The following DHX40 variants were observed in gnomAD, a reference collection of about 807,000 sequenced individuals.
The protein encoded by DHX40 is DEAH-box helicase 40.
DHX40 carries 28 observed loss-of-function variants against 89.6 expected under a neutral mutation model. The ratio of observed to expected loss-of-function variants is 0.31; its 90% confidence interval spans 0.23 to 0.43. The LOEUF is 0.43. Among genes scored for constraint, DHX40 ranks in the 20% least tolerant of loss-of-function variants. The probability of loss-of-function intolerance (pLI) is 1.00; values close to 1 mark genes in which losing one functional copy is unlikely to be tolerated. For missense variants in DHX40, 457 were observed against 844.0 expected (o/e 0.54, Z 5.68); for synonymous variants, 226 against 283.6 (o/e 0.80, Z 2.04).
chr17:59,595,226 G>T (rs1418039911), intron 12 of DHX40, among the ~76,000 whole-genome samples: 1 of 151,582 alleles, frequency 6.6e-6, no homozygotes, highest in African/African-American at 2.4e-5. Context: ...TGAGATTACA[G>T]GCATGTGCCA....
intron 12 of DHX40, among the ~76,000 whole-genome samples, chr17:59,591,289 A>C (rs560794761): frequency 6.6e-6 from 1 of 150,976 alleles, no homozygotes; most frequent in African/African-American, 2.4e-5. Flanking sequence ...TGGGTGACAG[A>C]GTGAGACTCC....
At chr17:59,569,974 G>A (rs375049461) in intron 2 of DHX40, among the ~76,000 whole-genome samples, 2 of 142,964 alleles carry the variant, frequency 1.4e-5, no homozygotes, top group South Asian at 4.2e-4. Context: ...AACCTGGGAC[G>A]CAGAGGTTGC....
chr17:59,600,853 ATTT>A (rs59684239), intron 14 of DHX40, among the ~76,000 whole-genome samples: 1 of 130,830 alleles, frequency 7.6e-6, no homozygotes, highest in African/African-American at 2.9e-5. Context: ...TCTCAAAAAA[ATTT>A]TTTTTTTTTT....
At chr17:59,572,602 C>T (rs938284817) in intron 3 of DHX40, among the ~76,000 whole-genome samples, 26 of 152,090 alleles carry the variant, frequency 1.7e-4, no homozygotes, top group African/African-American at 6.3e-4. Flanking sequence ...TGGTCTCGAA[C>T]TCCTGGACTC....
chr17:59,596,409 A>G (rs1161241231), intron 12 of DHX40, among the ~76,000 whole-genome samples: 1 of 152,188 alleles, frequency 6.6e-6, no homozygotes, highest in African/African-American at 2.4e-5. Context: ...TCTACTAAAA[A>G]ATGTAAAAAT....
rs1191402794 is a variant in DHX40, at chr17:59,607,801, G to A, written c.*629G>A. 6.6e-6 allele frequency: 1 copy of A among 151,134 alleles called. No homozygotes were observed. The highest frequency in any genetic ancestry group is 1.5e-5 in the Non-Finnish European group (1 of 67,890). 9.4% of individuals were successfully genotyped at this position (151,134 alleles called of 1,614,324 possible). ...ATTAATCCTTAAATTGATTTTTCTG[G>A]GATTATACAAATTCCTTTTTATATA... On this transcript the variant is annotated 3_prime_UTR_variant, in exon 18 of 18. Coordinates refer to ENST00000251241, the MANE Select transcript of DHX40 (RefSeq NM_024612.5).
Position 59,573,839 on chromosome 17 carries a change from G to A in DHX40, c.646G>A (p.Ala216Thr). The change falls in exon 5 of 18, where the codon GCC becomes ACC. Residue 216 changes from alanine to threonine, a missense_variant. This residue lies in a region of DHX40 where 116 missense variants were observed against 188.9 expected (regional missense o/e 0.61). Coordinates refer to ENST00000251241, the MANE Select transcript of DHX40 (RefSeq NM_024612.5). ...VVVMSATMEL[A>T]KLSAFFGNCP... ...GGTAATGTCAGCAACTATGGAATTA[G>A]CCAAGCTCTCTGCATTCTTTGGAAA... 1.5e-5 allele frequency: 24 copies of A among 1,613,446 alleles called. No homozygotes were observed. Among genetic ancestry groups the A allele is most frequent in the Non-Finnish European group, 2.0e-5 (24 of 1,179,774 alleles).
At position 59,605,167 on chromosome 17, in the gene DHX40, A is replaced by G. The variant is rs148552104; in HGVS notation, c.1954A>G (p.Ile652Val). Reference protein sequence around the residue: ...TMDGRGSPVHIHPSSALHEQE... With the variant: ...TMDGRGSPVHVHPSSALHEQE... Reference sequence around the variant, plus strand: ...GGATGGTCGTGGAAGCCCAGTTCACATTCATCCTTCCTCAGCAGTAAGTAC... The same window carrying G: ...GGATGGTCGTGGAAGCCCAGTTCACGTTCATCCTTCCTCAGCAGTAAGTAC... Residue 652 changes from isoleucine to valine, a missense_variant, in exon 16 of 18, where the codon ATT becomes GTT. Physicochemically the swap from Ile to Val is conservative, Grantham distance 29. Transcript: ENST00000251241. 20 of 1,613,988 alleles carry G rather than the reference A, an allele frequency of 1.2e-5. No individual in the cohort carries two copies. Among genetic ancestry groups the G allele is most frequent in the Non-Finnish European group, 1.6e-5 (19 of 1,180,004 alleles).
chr17:59,577,587 G>GT (rs2048903197), intron 8 of DHX40, among the ~76,000 whole-genome samples: 1 of 150,344 alleles, frequency 6.7e-6, no homozygotes, highest in Non-Finnish European at 1.5e-5. Context: ...CACACTTTTT[G>GT]TTTTTTTAGA....
At chr17:59,572,299 C>T (rs948970688) in intron 3 of DHX40, among the ~76,000 whole-genome samples, 1 of 152,150 alleles carries the variant, frequency 6.6e-6, no homozygotes. Context: ...TTTCTTTCTT[C>T]TTTCCCTTGT....
chr17:59,567,118 GAT>G (rs1476231293), intron 2 of DHX40, among the ~76,000 whole-genome samples: 1 of 152,228 alleles, frequency 6.6e-6, no homozygotes, highest in Non-Finnish European at 1.5e-5. Context: ...AGGGGTAAGA[GAT>G]ATGTGATATC....
At chr17:59,570,790 C>A (rs2048796241) in intron 3 of DHX40, 127 bp downstream of exon 3, 2 of 916,454 alleles carry the variant, frequency 2.2e-6, no homozygotes, top group Non-Finnish European at 3.1e-6. Context: ...CTCAAGTGAT[C>A]TCCTACCTCA....
intron 3 of DHX40, among the ~76,000 whole-genome samples, chr17:59,571,001 G>A (rs1370045281): frequency 6.6e-6 from 1 of 152,048 alleles, no homozygotes; most frequent in Non-Finnish European, 1.5e-5. Context: ...TCCTTCCTTA[G>A]TTTATAAATG....
In DHX40 at chr17:59,573,784, T is replaced by G. The variant is rs142500469; in HGVS notation, c.591T>G (p.Ser197=). 436 of 1,613,954 alleles carry G rather than the reference T, an allele frequency of 2.7e-4. 2 individuals are homozygous for G. In the African/African-American group the frequency reaches 5.1e-3, roughly 19 times the overall value. The change falls in exon 5 of 18, where the codon TCT becomes TCG. Residue 197 remains serine (S), a synonymous_variant. Coordinates refer to ENST00000251241, the MANE Select transcript of DHX40 (RefSeq NM_024612.5). The stretch of plus-strand genomic sequence containing the variant: ...TGAAGAAGCTATTTCAGGAGAAGTC[T>G]CCTAATAGGAAGGAGCATTTAAAAG... The part of the protein sequence containing the change: ...GLLKKLFQEK[S]PNRKEHLKVV...
chr17:59,577,010 C>T (rs2048892827), intron 7 of DHX40: 2 of 420,236 alleles, frequency 4.8e-6, no homozygotes, highest in South Asian at 4.0e-5. Flanking sequence ...GCTGGGACTA[C>T]AGGGGCGCGC....
chr17:59,573,702 T>G, intron 4 of DHX40, 38 bp from the exon 5 acceptor site: 1 of 1,603,774 alleles, frequency 6.2e-7, no homozygotes, highest in Admixed American at 1.7e-5. Context: ...GGCTGTTAAG[T>G]GTACTTGTGA....
chr17:59,586,368 T>C lies in DHX40; in HGVS notation c.1424+135T>C, dbSNP rs1598157118. 52 of 896,942 alleles carry C rather than the reference T, an allele frequency of 5.8e-5. No individual in the cohort carries two copies. The South Asian group carries it at 8.3e-4, about 14-fold the overall frequency. 55.6% of individuals were successfully genotyped at this position (896,942 alleles called of 1,614,324 possible). ...GATTGTTAGTCTTTCATCACAATTC[T>C]GATTGAAAAACCAGCCGGGCGCTGT... On this transcript the variant is annotated intron_variant, in intron 11 of 17. Transcript: ENST00000251241.
chr17:59,570,034 A>C (rs973701322), intron 2 of DHX40, among the ~76,000 whole-genome samples: 1 of 135,626 alleles, frequency 7.4e-6, no homozygotes, highest in African/African-American at 2.8e-5. Context: ...ACAAGAGCAA[A>C]ACTCTGTCTA....
Position 59,565,741 on chromosome 17 carries a change from C to G in DHX40, c.70C>G (p.Leu24Val), listed in dbSNP as rs1407960199. 1 of 1,605,280 alleles carries G rather than the reference C, an allele frequency of 6.2e-7. No individual in the cohort carries two copies. The highest frequency in any genetic ancestry group is 2.2e-5 in the East Asian group (1 of 44,824). Residue 24 changes from leucine (L) to valine (V), a missense_variant, in exon 1 of 18, where the codon CTC (leucine) becomes GTC (valine). Coordinates refer to ENST00000251241, the MANE Select transcript of DHX40 (RefSeq NM_024612.5). The part of the protein sequence containing the change: ...RQEEGERSRD[L>V]QEERLSAVCI... ...GGAGGAGGGTGAGCGGTCAAGAGAC[C>G]TCCAGGAAGAGCGGCTCTCGGCTGT... is the stretch of plus-strand genomic sequence containing the variant.
Sources: gnomAD v4.1 joint callset for allele counts (sites outside exome capture counted in the v4.1 genomes callset) on GRCh38, gnomAD v4.1.1 for gene constraint, gnomAD v4.1.1 regional missense constraint, MANE v1.5 for transcripts, NCBI Gene and HGNC (gene_info 2026-07-23, HGNC 2026-07-21) for gene names.